The following ASPRV1 variants were observed in gnomAD, a reference collection of about 807,000 sequenced individuals.
ASPRV1 encodes retroviral-like aspartic protease 1.
In ASPRV1, 7 loss-of-function variants were observed where a neutral mutation model predicts 11.0. The ratio of observed to expected loss-of-function variants is 0.64; its 90% CI spans 0.36 to 1.20. ASPRV1 has a LOEUF of 1.20. Among genes scored for constraint, ASPRV1 ranks in the 50% most tolerant of loss-of-function variants. The pLI, the probability that ASPRV1 is intolerant of heterozygous loss-of-function variation, is 0.02. For synonymous variants in ASPRV1, 136 were observed against 138.4 expected, an observed-to-expected ratio of 0.98 and a Z score of 0.12; for missense variants, 299 against 320.0, an observed-to-expected ratio of 0.93 and a Z score of 0.50.
Position 69,960,611 on chromosome 2 carries a change from T to A in ASPRV1, c.*46A>T, listed in dbSNP as rs1324864826. ...GGATATGCAACCCCCCCCACAGCGG[T>A]GGGTCTTCCCACCAATATTTAGGAG... is the stretch of plus-strand genomic sequence containing the variant. On this transcript the variant is annotated 3_prime_UTR_variant, in exon 1 of 1. Coordinates refer to ENST00000320256, the MANE Select transcript of ASPRV1 (RefSeq NM_152792.4). 3 of 1,550,122 alleles carry A rather than the reference T, an allele frequency of 1.9e-6. No homozygotes were observed. The highest frequency in any genetic ancestry group is 2.6e-6 in the Non-Finnish European group (3 of 1,148,098).
chr2:70,085,373 C>G, the ASPRV1 span, among the ~76,000 whole-genome samples: 2 of 152,208 alleles, frequency 1.3e-5, no homozygotes, highest in Non-Finnish European at 2.9e-5. Context: ...CCGCCCGTTA[C>G]AGGTGTAGCT....
chr2:70,033,047 T>G, the ASPRV1 span, among the ~76,000 whole-genome samples: 1 of 152,104 alleles, frequency 6.6e-6, no homozygotes, highest in South Asian at 2.1e-4. Context: ...TTTTAAAAAC[T>G]CCCTGAACCT....
At chr2:70,045,402 G>A in the ASPRV1 span, 1 of 152,142 alleles carries the variant, frequency 6.6e-6, no homozygotes, top group Non-Finnish European at 1.5e-5. Flanking sequence ...TCTAATACAT[G>A]CCTGGCTCTC....
At chr2:69,936,647 C>A in the ASPRV1 span, among the ~76,000 whole-genome samples, 4 of 152,224 alleles carry the variant, frequency 2.6e-5, no homozygotes, top group East Asian at 7.7e-4. Flanking sequence ...AAGCTGGGGG[C>A]AGATTTATAA....
chr2:70,028,923 CAG>C, the ASPRV1 span, among the ~76,000 whole-genome samples: 1 of 151,724 alleles, frequency 6.6e-6, no homozygotes, highest in African/African-American at 2.4e-5. Context: ...GCCTGGGCGA[CAG>C]AGAGACTCCG....
chr2:70,084,081 G>C, the ASPRV1 span, among the ~76,000 whole-genome samples: 64 of 152,302 alleles, frequency 4.2e-4, no homozygotes, highest in South Asian at 1.7e-3. Flanking sequence ...CGGGGAAGGA[G>C]GGAGGCTAAG....
upstream of ASPRV1, chr2:69,961,748 G>A (rs536939824): frequency 1.5e-3 from 2,239 of 1,493,254 alleles, 4 homozygotes; most frequent in Non-Finnish European, 1.5e-3. Flanking sequence ...GCATCCGGCC[G>A]GACTAGCAGG....
At chr2:69,963,637 G>T (rs952630755), upstream of ASPRV1, 18 of 361,898 alleles carry the variant, frequency 5.0e-5, no homozygotes, top group African/African-American at 3.6e-4. Flanking sequence ...GTTGAATTCC[G>T]ATCTCCCTAC....
the ASPRV1 span, among the ~76,000 whole-genome samples, chr2:70,047,420 C>T: frequency 1.3e-5 from 2 of 152,202 alleles, no homozygotes; most frequent in African/African-American, 4.8e-5. Flanking sequence ...AATGTAAGTG[C>T]CCTCACAGCC....
chr2:70,043,742 G>T, the ASPRV1 span, among the ~76,000 whole-genome samples: 1 of 152,186 alleles, frequency 6.6e-6, no homozygotes, highest in Non-Finnish European at 1.5e-5. Flanking sequence ...CCCCTTCTAA[G>T]ATCTGTGACA....
chr2:70,025,238 A>G, the ASPRV1 span, among the ~76,000 whole-genome samples: 1 of 152,138 alleles, frequency 6.6e-6, no homozygotes, highest in Non-Finnish European at 1.5e-5. Flanking sequence ...TAAATATTTT[A>G]ATGATAGAAA....
chr2:69,949,581 A>G, the ASPRV1 span, among the ~76,000 whole-genome samples: 1 of 152,248 alleles, frequency 6.6e-6, no homozygotes, highest in Non-Finnish European at 1.5e-5. Context: ...GAAACAATTC[A>G]GCCCAAAGGA....
At chr2:69,995,431 A>G in the ASPRV1 span, 23,124 of 151,872 alleles carry the variant, frequency 0.15, 2,729 homozygotes, top group East Asian at 0.31. Context: ...CTATGTATCC[A>G]TACATTGAGG....
the ASPRV1 span, among the ~76,000 whole-genome samples, chr2:70,078,725 C>T: frequency 3.9e-5 from 6 of 152,160 alleles, no homozygotes; most frequent in Admixed American, 3.3e-4. Flanking sequence ...CCTACATGGT[C>T]TTATAGACCA....
chr2:69,990,308 C>A, the ASPRV1 span, among the ~76,000 whole-genome samples: 55 of 152,186 alleles, frequency 3.6e-4, no homozygotes, highest in African/African-American at 1.3e-3. Context: ...CTCAGCCTCC[C>A]GAGTAGCTGG....
At chr2:70,055,659 A>G in the ASPRV1 span, 1 of 152,162 alleles carries the variant, frequency 6.6e-6, no homozygotes, top group South Asian at 2.1e-4. Context: ...AACTTACAGG[A>G]TAGGTCAATA....
the ASPRV1 span, chr2:69,937,154 T>G: frequency 6.4e-7 from 1 of 1,568,844 alleles, no homozygotes. Context: ...CGCATTCCAC[T>G]GCTAGAAGGG....
chr2:69,958,963 T>A (rs1272657471), downstream of ASPRV1, among the ~76,000 whole-genome samples: 1 of 152,120 alleles, frequency 6.6e-6, no homozygotes, highest in Non-Finnish European at 1.5e-5. Flanking sequence ...TTAAGATGCT[T>A]GGCTGCCCAG....
the ASPRV1 span, among the ~76,000 whole-genome samples, chr2:69,986,837 G>A: frequency 2.6e-5 from 4 of 152,230 alleles, no homozygotes; most frequent in Admixed American, 2.6e-4. Flanking sequence ...GGAAAGGACT[G>A]GGAGGTCACT....
Sources: gnomAD v4.1 joint callset for allele counts (sites outside exome capture counted in the v4.1 genomes callset) on GRCh38, gnomAD v4.1.1 for gene constraint, MANE v1.5 for transcripts, NCBI Gene and HGNC (gene_info 2026-07-23, HGNC 2026-07-21) for gene names.